The following KHDRBS3 variants were observed in gnomAD, a reference collection of about 807,000 sequenced individuals.
KHDRBS3 encodes KH domain-containing, RNA-binding, signal transduction-associated protein 3.
In KHDRBS3, 23 loss-of-function variants were observed where a neutral mutation model predicts 45.6. The ratio of observed to expected loss-of-function variants is 0.50; its 90% CI spans 0.36 to 0.72. KHDRBS3 has a LOEUF of 0.72. Among genes scored for constraint, KHDRBS3 ranks in the 30% least tolerant of loss-of-function variants. KHDRBS3 has a pLI of 0.00. For missense variants in KHDRBS3, 352 were observed against 424.8 expected (o/e 0.83, Z 1.51); for synonymous variants, 162 against 156.5 (o/e 1.04, Z -0.26).
At chr8:135,530,309 G>C (rs918217000) in intron 2 of KHDRBS3, among the ~76,000 whole-genome samples, 10 of 152,110 alleles carry the variant, frequency 6.6e-5, no homozygotes, top group African/African-American at 2.4e-4. Context: ...TGAAAATTGC[G>C]TGACTATACT....
At chr8:135,462,046 G>T (rs903467873) in intron 1 of KHDRBS3, among the ~76,000 whole-genome samples, 1 of 152,086 alleles carries the variant, frequency 6.6e-6, no homozygotes, top group African/African-American at 2.4e-5. Context: ...GATTTTTGGG[G>T]ACCCCTTTTG....
In KHDRBS3 at chr8:135,557,346, T is replaced by C. The variant is rs767973368; in HGVS notation, c.472-102T>C. The C allele has an allele frequency of 8.0e-4, 447 of 560,054 alleles. 1 individual carries two copies. Among genetic ancestry groups the C allele is most frequent in the Non-Finnish European group, 1.1e-3 (392 of 343,088 alleles). 34.7% of individuals were successfully genotyped at this position (560,054 alleles called of 1,614,324 possible). A position where few individuals can be genotyped will look rare whatever the true frequency, so the allele number is the denominator to read the frequency against. The stretch of plus-strand genomic sequence containing the variant: ...ATTTTGTTTTGTAAATTCAACTATT[T>C]TCCTAACCCTTTTTTCTATTAAGAA... On this transcript the variant is annotated intron_variant, in intron 4 of 8. Transcript: ENST00000355849.
chr8:135,480,891 C>T (rs551541577), intron 1 of KHDRBS3, among the ~76,000 whole-genome samples: 182 of 152,110 alleles, frequency 1.2e-3, no homozygotes, highest in Middle Eastern at 6.8e-3. Flanking sequence ...TGAGCATTTC[C>T]AATTTGGGAA....
chr8:135,552,470 G>T (rs1167738824), intron 4 of KHDRBS3, among the ~76,000 whole-genome samples: 1 of 152,004 alleles, frequency 6.6e-6, no homozygotes. Flanking sequence ...CAACATCTGG[G>T]CCCTCTCCAA....
intron 4 of KHDRBS3, among the ~76,000 whole-genome samples, chr8:135,654,821 C>T (rs1831499454): frequency 1.3e-5 from 2 of 152,240 alleles, no homozygotes; most frequent in Admixed American, 6.5e-5. Flanking sequence ...GACAGGATCT[C>T]CTCTAGCACT....
chr8:135,463,587 A>T (rs1821541328), intron 1 of KHDRBS3, among the ~76,000 whole-genome samples: 1 of 152,156 alleles, frequency 6.6e-6, no homozygotes, highest in Non-Finnish European at 1.5e-5. Context: ...CACTCTCATC[A>T]ATTTGCTCTC....
In KHDRBS3 at chr8:135,607,293, A is replaced by T. The variant is rs551803877; in HGVS notation, c.890+256A>T. On this transcript the variant is annotated intron_variant, in intron 7 of 8. Coordinates refer to ENST00000355849, the MANE Select transcript of KHDRBS3 (RefSeq NM_006558.3). ...TAAAAATTCAACTTAAATGTTCAGT[A>T]TATTTTGAGAAGGAACAATGGCCTC... Among the ~76,000 whole-genome samples the T allele has an allele frequency of 2.6e-5, 4 of 152,370 alleles. No individual in the cohort carries two copies. The East Asian group carries it at 5.8e-4, about 22-fold the overall frequency.
chr8:135,589,434 G>T (rs1828638038), intron 6 of KHDRBS3, among the ~76,000 whole-genome samples: 1 of 152,118 alleles, frequency 6.6e-6, no homozygotes, highest in African/African-American at 2.4e-5. Context: ...TCATCCTCCT[G>T]TTGACTAACC....
At chr8:135,552,660 AT>A (rs1217967485) in intron 4 of KHDRBS3, among the ~76,000 whole-genome samples, 1 of 151,438 alleles carries the variant, frequency 6.6e-6, no homozygotes, top group African/African-American at 2.4e-5. Flanking sequence ...AATTTTTTTT[AT>A]TTTTTTGTCT....
intron 2 of KHDRBS3, among the ~76,000 whole-genome samples, chr8:135,522,960 G>A (rs562993364): frequency 1.2e-4 from 18 of 152,254 alleles, no homozygotes; most frequent in African/African-American, 4.3e-4. Context: ...AGACAATCAG[G>A]TGAGCATGTA....
chr8:135,485,625 T>G (rs1412523932), intron 1 of KHDRBS3, among the ~76,000 whole-genome samples: 1 of 152,028 alleles, frequency 6.6e-6, no homozygotes, highest in Non-Finnish European at 1.5e-5. Context: ...AGTTTATTTT[T>G]CTGTGTGAAG....
intron 3 of KHDRBS3, among the ~76,000 whole-genome samples, chr8:135,548,433 G>T (rs578165179): frequency 9.9e-5 from 15 of 152,282 alleles, no homozygotes; most frequent in African/African-American, 3.6e-4. Context: ...GCTGCGGAGG[G>T]TTGAGCAAAG....
intron 7 of KHDRBS3, among the ~76,000 whole-genome samples, chr8:135,631,455 GT>G (rs72323528): frequency 2.3e-4 from 34 of 147,406 alleles, no homozygotes; most frequent in African/African-American, 3.7e-4. Flanking sequence ...TAATGTTTTG[GT>G]TTTTTTTTTA....
chr8:135,512,658 C>A (rs1824363493), intron 1 of KHDRBS3, among the ~76,000 whole-genome samples: 2 of 152,176 alleles, frequency 1.3e-5, no homozygotes, highest in African/African-American at 4.8e-5. Flanking sequence ...TTCATTCATT[C>A]ATTTATTCAA....
At chr8:135,474,949 A>G (rs1015236528) in intron 1 of KHDRBS3, among the ~76,000 whole-genome samples, 4 of 152,204 alleles carry the variant, frequency 2.6e-5, no homozygotes, top group Admixed American at 1.3e-4. Flanking sequence ...GAGGCTGCTT[A>G]CATTCCTCGG....
chr8:135,527,017 C>T (rs1426459829), intron 2 of KHDRBS3, among the ~76,000 whole-genome samples: 2 of 151,564 alleles, frequency 1.3e-5, no homozygotes, highest in African/African-American at 4.9e-5. Flanking sequence ...CCCAAATCAA[C>T]ATTGGAACAA....
At chr8:135,565,308 A>T (rs1827361068) in intron 5 of KHDRBS3, among the ~76,000 whole-genome samples, 1 of 152,110 alleles carries the variant, frequency 6.6e-6, no homozygotes, top group African/African-American at 2.4e-5. Context: ...AAGGAAGAAG[A>T]AGTGGGTGAT....
chr8:135,649,084 G>A (rs1257680040), downstream of KHDRBS3, among the ~76,000 whole-genome samples: 1 of 152,014 alleles, frequency 6.6e-6, no homozygotes, highest in Non-Finnish European at 1.5e-5. Context: ...CAAATGATAA[G>A]TATTATAAAA....
intron 7 of KHDRBS3, among the ~76,000 whole-genome samples, chr8:135,633,802 CA>C (rs1031130886): frequency 7.2e-5 from 11 of 152,332 alleles, no homozygotes; most frequent in African/African-American, 2.4e-4. Context: ...TCTACACGTG[CA>C]CAGCCTCCCC....
Sources: gnomAD v4.1 joint callset for allele counts (sites outside exome capture counted in the v4.1 genomes callset) on GRCh38, gnomAD v4.1.1 for gene constraint, MANE v1.5 for transcripts, NCBI Gene and HGNC (gene_info 2026-07-23, HGNC 2026-07-21) for gene names.